SNX30: variants seen among roughly 807,000 people sequenced by gnomAD.
The protein encoded by SNX30 is sorting nexin-30.
Under a neutral mutation model 46.4 loss-of-function variants are expected in SNX30, and 24 were observed. The observed-to-expected ratio is 0.52, with a 90% CI of 0.37 to 0.73. The LOEUF (loss-of-function observed/expected upper bound fraction) is 0.73, where lower values mean the gene tolerates loss of function less well. SNX30 is among the 30% of genes least tolerant of loss of function. The pLI is 0.00. For missense variants in SNX30, 533 were observed against 555.7 expected, an observed-to-expected ratio of 0.96 and a Z score of 0.41; for synonymous variants, 189 against 211.5, an observed-to-expected ratio of 0.89 and a Z score of 0.92.
downstream of SNX30, among the ~76,000 whole-genome samples, chr9:112,883,985 G>A (rs1160537511): frequency 1.3e-5 from 2 of 152,138 alleles, no homozygotes; most frequent in African/African-American, 4.8e-5. Flanking sequence ...ATGAGCCATC[G>A]TGCCCAGCCT....
Position 112,874,700 on chromosome 9 carries a change from C to T in SNX30, c.*5857C>T, listed in dbSNP as rs1400553118. The T allele has an allele frequency of 2.6e-5, 4 of 152,102 alleles. No homozygotes were observed. Among genetic ancestry groups the T allele is most frequent in the Non-Finnish European group, 5.9e-5 (4 of 68,018 alleles). The allele number at this position is 152,102 out of a possible 1,614,324, so 9.4% of individuals were successfully genotyped here. A position where few individuals can be genotyped will look rare whatever the true frequency, so the allele number is the denominator to read the frequency against. ...GTCTTTGTTTCATGAAGCTACCAAA[C>T]TTTAAAAAGAATGTCACCCTTTTTT... On this transcript the variant is annotated 3_prime_UTR_variant, in exon 9 of 9. Transcript: ENST00000374232.
At chr9:112,752,538 A>C (rs1839294205) in intron 1 of SNX30, among the ~76,000 whole-genome samples, 1 of 152,160 alleles carries the variant, frequency 6.6e-6, no homozygotes, top group Non-Finnish European at 1.5e-5. Flanking sequence ...CTGGGAGTTC[A>C]AGGCTGCAGT....
At chr9:112,784,435 T>G (rs1839888774) in intron 1 of SNX30, among the ~76,000 whole-genome samples, 1 of 152,250 alleles carries the variant, frequency 6.6e-6, no homozygotes, top group South Asian at 2.1e-4. Context: ...ATTCTGGAGC[T>G]AATCCACTTT....
At chr9:112,879,940 T>A, downstream of SNX30, 2 of 845,422 alleles carry the variant, frequency 2.4e-6, no homozygotes, top group Middle Eastern at 2.4e-4. Flanking sequence ...TAGGTAGGCA[T>A]TGACCAAGGT....
At chr9:112,792,467 C>A (rs1840042587) in intron 1 of SNX30, among the ~76,000 whole-genome samples, 1 of 152,188 alleles carries the variant, frequency 6.6e-6, no homozygotes, top group African/African-American at 2.4e-5. Context: ...CTCCGTCGCC[C>A]AGCCTGGAGT....
chr9:112,774,299 C>G (rs1222195688), intron 1 of SNX30, among the ~76,000 whole-genome samples: 1 of 152,018 alleles, frequency 6.6e-6, no homozygotes, highest in Non-Finnish European at 1.5e-5. Flanking sequence ...AATGACAGAC[C>G]TTTAGCTAGA....
chr9:112,868,031 G>A (rs988671178), intron 8 of SNX30, among the ~76,000 whole-genome samples: 17 of 152,180 alleles, frequency 1.1e-4, no homozygotes, highest in Admixed American at 5.9e-4. Context: ...TTGGTGTAGT[G>A]GAGAGAACAT....
chr9:112,806,180 G>T (rs1840221836), intron 2 of SNX30, among the ~76,000 whole-genome samples: 1 of 152,124 alleles, frequency 6.6e-6, no homozygotes. Flanking sequence ...TTGGTCCCCA[G>T]TTGTGACAAC....
At chr9:112,794,281 T>C (rs1000560191) in intron 1 of SNX30, among the ~76,000 whole-genome samples, 1 of 152,068 alleles carries the variant, frequency 6.6e-6, no homozygotes, top group African/African-American at 2.4e-5. Context: ...GCCTCCTGAG[T>C]AGCGGGGATT....
intron 2 of SNX30, among the ~76,000 whole-genome samples, chr9:112,805,390 A>G (rs922597144): frequency 9.9e-5 from 15 of 152,138 alleles, no homozygotes; most frequent in Admixed American, 7.9e-4. Flanking sequence ...AGAAACTAAT[A>G]CTGTCTTTCT....
At chr9:112,878,963 T>A (rs952445037), downstream of SNX30, 1 of 152,210 alleles carries the variant, frequency 6.6e-6, no homozygotes, top group African/African-American at 2.4e-5. Context: ...CTTTTATAAA[T>A]CCAAGTAAAC....
Position 112,836,256 on chromosome 9 carries a change from A to G in SNX30, c.661A>G (p.Arg221Gly). Residue 221 changes from arginine to glycine, a missense_variant, in exon 5 of 9, where the codon AGA becomes GGA. Arg to Gly is a moderately radical substitution (Grantham distance 125). This residue lies in a region of SNX30 where 81 missense variants were observed against 124.4 expected (regional missense o/e 0.65). Coordinates refer to ENST00000374232, the MANE Select transcript of SNX30 (RefSeq NM_001012994.2). ...GAAGCAAGGGATAGCATTGCTGACC[A>G]GAATGGGCGAGTCAGTCAAGCACGT... ...YKKQGIALLT[R>G]MGESVKHVTG... The G allele has an allele frequency of 1.9e-6, 3 of 1,610,812 alleles. No individual in the cohort carries two copies. Among genetic ancestry groups the G allele is most frequent in the Non-Finnish European group, 2.5e-6 (3 of 1,177,154 alleles).
At chr9:112,809,574 A>AG (rs1165185789) in intron 2 of SNX30, among the ~76,000 whole-genome samples, 1 of 151,968 alleles carries the variant, frequency 6.6e-6, no homozygotes, top group Non-Finnish European at 1.5e-5. Context: ...TAAAAAAAAA[A>AG]AGAAAAAGAG....
chr9:112,827,736 G>T (rs1302427032), intron 3 of SNX30, among the ~76,000 whole-genome samples: 1 of 152,264 alleles, frequency 6.6e-6, no homozygotes, highest in Non-Finnish European at 1.5e-5. Flanking sequence ...CCATATTATG[G>T]GGGTTTGAGG....
intron 2 of SNX30, among the ~76,000 whole-genome samples, chr9:112,807,641 C>G (rs1020453567): frequency 4.6e-5 from 7 of 152,170 alleles, no homozygotes; most frequent in Admixed American, 3.9e-4. Flanking sequence ...CTGTAAACAG[C>G]CAAATGACAA....
chr9:112,832,741 C>T (rs953877778), intron 4 of SNX30, among the ~76,000 whole-genome samples: 5 of 145,998 alleles, frequency 3.4e-5, no homozygotes, highest in Admixed American at 1.4e-4. Flanking sequence ...CAAATCTGCA[C>T]GTTGTGCACA....
chr9:112,857,948 G>A (rs1841164292), intron 7 of SNX30, among the ~76,000 whole-genome samples: 1 of 152,190 alleles, frequency 6.6e-6, no homozygotes. Flanking sequence ...GAAATGCACA[G>A]TCCCATCCAC....
In SNX30 at chr9:112,854,020, T is replaced by C. The variant is rs188444691; in HGVS notation, c.1101+3075T>C. 2.5e-3 allele frequency among the ~76,000 whole-genome samples: 374 copies of C among 152,370 alleles called. 6 individuals are homozygous for C. The highest frequency in any genetic ancestry group is 4.6e-3 in the Admixed American group (70 of 15,306). On this transcript the variant is annotated intron_variant, in intron 7 of 8. Transcript: ENST00000374232. Reference sequence around the variant, plus strand: ...AGGATCCTGCATTTTAAAGACGTCATGTATGTAGTTCTGTAAATAGCATCT... The same window carrying C: ...AGGATCCTGCATTTTAAAGACGTCACGTATGTAGTTCTGTAAATAGCATCT...
intron 3 of SNX30, among the ~76,000 whole-genome samples, chr9:112,820,849 G>A (rs1361643463): frequency 6.6e-6 from 1 of 152,072 alleles, no homozygotes; most frequent in Non-Finnish European, 1.5e-5. Context: ...CCATGTTGTA[G>A]CATATATTAA....
Sources: gnomAD v4.1 joint callset for allele counts (sites outside exome capture counted in the v4.1 genomes callset) on GRCh38, gnomAD v4.1.1 for gene constraint, gnomAD v4.1.1 regional missense constraint, MANE v1.5 for transcripts, NCBI Gene and HGNC (gene_info 2026-07-23, HGNC 2026-07-21) for gene names.